MCTP1: variants seen among roughly 807,000 people sequenced by gnomAD.
MCTP1 encodes the protein multiple C2 and transmembrane domain-containing protein 1.
MCTP1 carries 69 observed loss-of-function variants against 120.6 expected under a neutral mutation model. The observed-to-expected ratio is 0.57, with a 90% CI of 0.47 to 0.70. The LOEUF (loss-of-function observed/expected upper bound fraction) is 0.70, where lower values mean the gene tolerates loss of function less well. Ranked by LOEUF, MCTP1 falls within the 30% of genes least tolerant of loss-of-function variation. The pLI, the probability that MCTP1 is intolerant of heterozygous loss-of-function variation, is 0.00. For missense variants in MCTP1, 1,203 were observed against 1,248.8 expected, an observed-to-expected ratio of 0.96 and a Z score of 0.55; for synonymous variants, 529 against 493.1, an observed-to-expected ratio of 1.07 and a Z score of -0.96.
At chr5:94,784,980 T>C in intron 18 of MCTP1, 1 of 152,110 alleles carries the variant, frequency 6.6e-6, no homozygotes, top group East Asian at 1.9e-4. Flanking sequence ...ATCAGATGAC[T>C]TTTGATGCAT....
At chr5:94,904,372 C>A (rs1053521710) in intron 10 of MCTP1, among the ~76,000 whole-genome samples, 2 of 152,192 alleles carry the variant, frequency 1.3e-5, no homozygotes, top group African/African-American at 4.8e-5. Context: ...TGAACCACCC[C>A]TGCTACCCCA....
intron 17 of MCTP1, among the ~76,000 whole-genome samples, chr5:94,847,682 G>GTA (rs373174876): frequency 0.021 from 2,103 of 102,258 alleles, 32 homozygotes; most frequent in African/African-American, 0.039. Context: ...GTGTGTGTGT[G>GTA]TATATATATA....
intron 1 of MCTP1, among the ~76,000 whole-genome samples, chr5:95,201,463 G>GTTTTTTTTT (rs1562232022): frequency 1.7e-5 from 2 of 120,682 alleles, no homozygotes; most frequent in Non-Finnish European, 3.5e-5. Context: ...AAGGAAAAGT[G>GTTTTTTTTT]GTTTTTTTTT....
intron 1 of MCTP1, among the ~76,000 whole-genome samples, chr5:95,106,904 G>A (rs1010271996): frequency 6.6e-6 from 1 of 152,200 alleles, no homozygotes; most frequent in Non-Finnish European, 1.5e-5. Context: ...AAAACTGGCA[G>A]TATATTTTTA....
At position 94,781,510 on chromosome 5, in the gene MCTP1, T is replaced by C. The variant is rs146800593; in HGVS notation, c.2557-2347A>G. Among the ~76,000 whole-genome samples the C allele has an allele frequency of 2.3e-4, 35 of 152,314 alleles. 1 individual carries two copies. The East Asian group carries it at 4.6e-3, about 20-fold the overall frequency. On this transcript the variant is annotated intron_variant, in intron 18 of 22. Transcript: ENST00000515393. ...GGAAGGACTTATACCTAATCAATGA[T>C]GCAGATTTATAAAAGCAAATATTCA...
At chr5:94,855,342 T>C (rs1416343257) in intron 17 of MCTP1, among the ~76,000 whole-genome samples, 2 of 151,774 alleles carry the variant, frequency 1.3e-5, no homozygotes, top group Non-Finnish European at 2.9e-5. Flanking sequence ...GAACTAGAAC[T>C]GGCATAATTT....
In MCTP1 at chr5:94,877,181, T is replaced by C. The variant is rs78084896; in HGVS notation, c.1934-3940A>G. Among the ~76,000 whole-genome samples the C allele has an allele frequency of 7.0e-3, 1,070 of 152,162 alleles. 15 individuals carry two copies. The highest frequency in any genetic ancestry group is 0.025 in the African/African-American group (1,018 of 41,548). ...AGCTCTATCACAGTGCTTTTAAAAG[T>C]GAAGGATAATGACATAAAAAGTAGG... On this transcript the variant is annotated intron_variant, in intron 12 of 22. Transcript: ENST00000515393.
chr5:95,001,529 C>T (rs1260493115), intron 2 of MCTP1, among the ~76,000 whole-genome samples: 4 of 152,022 alleles, frequency 2.6e-5, no homozygotes, highest in African/African-American at 9.7e-5. Flanking sequence ...ACAATGATGT[C>T]GAGGCTGAGG....
At chr5:95,242,532 A>G (rs762605073) in intron 1 of MCTP1, among the ~76,000 whole-genome samples, 16 of 152,226 alleles carry the variant, frequency 1.1e-4, no homozygotes, top group Non-Finnish European at 2.1e-4. Flanking sequence ...AAATTGAAGT[A>G]TATCTGTACG....
chr5:94,809,044 A>T (rs1782923807), intron 17 of MCTP1, among the ~76,000 whole-genome samples: 1 of 152,088 alleles, frequency 6.6e-6, no homozygotes, highest in South Asian at 2.1e-4. Flanking sequence ...CAAGTGTGAC[A>T]ACTAGATAGG....
chr5:95,246,269 TTAACAGGCAAAA>T (rs1201029573), intron 1 of MCTP1, among the ~76,000 whole-genome samples: 7 of 152,020 alleles, frequency 4.6e-5, no homozygotes, highest in Admixed American at 1.3e-4. Flanking sequence ...ACTCCATCAA[TTAACAGGCAAAA>T]TAACCAGCTA....
chr5:95,084,840 C>T (rs891045888), intron 1 of MCTP1, among the ~76,000 whole-genome samples: 7 of 152,144 alleles, frequency 4.6e-5, no homozygotes, highest in African/African-American at 1.4e-4. Context: ...ATGCTCATCA[C>T]ATCTCCTGCT....
chr5:94,984,311 C>G (rs151226537), intron 2 of MCTP1, among the ~76,000 whole-genome samples: 2 of 152,072 alleles, frequency 1.3e-5, no homozygotes, highest in Non-Finnish European at 2.9e-5. Context: ...GTGAAAGGCT[C>G]TTGGCTAGGA....
chr5:94,934,305 A>C (rs927731132), intron 5 of MCTP1, among the ~76,000 whole-genome samples: 8 of 151,878 alleles, frequency 5.3e-5, no homozygotes, highest in Non-Finnish European at 2.9e-5. Context: ...CAAATTATAG[A>C]AAAATAAGAT....
chr5:94,852,917 C>T (rs153898), intron 17 of MCTP1, among the ~76,000 whole-genome samples: 75,558 of 151,710 alleles, frequency 0.5, 22,805 homozygotes, highest in Non-Finnish European at 0.69. Context: ...TTTATAAAAG[C>T]TTCGTGATCT....
At chr5:95,278,089 A>G (rs972534728) in intron 1 of MCTP1, among the ~76,000 whole-genome samples, 2 of 142,678 alleles carry the variant, frequency 1.4e-5, no homozygotes, top group African/African-American at 5.6e-5. Context: ...TTCTGCCAGA[A>G]AAAAAAAAAA....
At chr5:94,748,780 A>C (rs1027950401) in intron 19 of MCTP1, among the ~76,000 whole-genome samples, 1 of 152,248 alleles carries the variant, frequency 6.6e-6, no homozygotes, top group Non-Finnish European at 1.5e-5. Context: ...GTAGCACTAC[A>C]TTTCCAGCTC....
intron 1 of MCTP1, chr5:95,081,423 TA>T (rs770459024): frequency 1.9e-6 from 3 of 1,610,876 alleles, no homozygotes; most frequent in Non-Finnish European, 2.5e-6. Flanking sequence ...AAATGTTACT[TA>T]CCTTATTACA....
At chr5:94,983,907 A>G (rs1315147702) in intron 2 of MCTP1, among the ~76,000 whole-genome samples, 2 of 152,134 alleles carry the variant, frequency 1.3e-5, no homozygotes, top group Non-Finnish European at 2.9e-5. Context: ...GGGCAAATGG[A>G]TATTTTTGGA....
Sources: allele counts gnomAD v4.1 joint callset (sites outside exome capture counted in the v4.1 genomes callset), GRCh38; gene constraint gnomAD v4.1.1; transcripts MANE v1.5; gene names NCBI Gene and HGNC (gene_info 2026-07-23, HGNC 2026-07-21).